Variants in PTPDC1 observed in about 807,000 individuals in gnomAD.
The protein encoded by PTPDC1 is protein tyrosine phosphatase domain containing 1.
A neutral mutation model predicts 75.3 loss-of-function variants in PTPDC1; 53 were observed. That is an observed-to-expected ratio of 0.70 (90% CI 0.56 to 0.88). The LOEUF is 0.88. Ranked by LOEUF, PTPDC1 falls within the 40% of genes least tolerant of loss-of-function variation. PTPDC1 has a pLI of 0.00. For synonymous variants in PTPDC1, 349 were observed against 366.2 expected, an observed-to-expected ratio of 0.95 and a Z score of 0.54; for missense variants, 925 against 998.6, an observed-to-expected ratio of 0.93 and a Z score of 0.99.
At chr9:94,033,006 T>C (rs1045053637) in intron 1 of PTPDC1, among the ~76,000 whole-genome samples, 2 of 152,144 alleles carry the variant, frequency 1.3e-5, no homozygotes. Flanking sequence ...GGATTACTGC[T>C]GTGTGCCACC....
intron 1 of PTPDC1, among the ~76,000 whole-genome samples, chr9:94,055,019 G>C (rs1378423315): frequency 6.6e-6 from 1 of 152,160 alleles, no homozygotes; most frequent in Non-Finnish European, 1.5e-5. Context: ...ACACACAGTG[G>C]AGCTCCATTC....
intron 4 of PTPDC1, among the ~76,000 whole-genome samples, chr9:94,093,642 T>C (rs1230213691): frequency 6.6e-6 from 1 of 150,952 alleles, no homozygotes; most frequent in African/African-American, 2.4e-5. Flanking sequence ...CCTTGCTAGA[T>C]TGGGGAAGTT....
chr9:94,107,247 C>T (rs990249819), intron 8 of PTPDC1, among the ~76,000 whole-genome samples: 4 of 152,236 alleles, frequency 2.6e-5, no homozygotes, highest in African/African-American at 9.6e-5. Context: ...AGCCACCACA[C>T]CCAGCCAGTT....
intron 4 of PTPDC1, among the ~76,000 whole-genome samples, chr9:94,090,810 G>T (rs1436659296): frequency 2.4e-5 from 3 of 125,096 alleles, no homozygotes; most frequent in Non-Finnish European, 5.0e-5. Context: ...CTTGTAAGTT[G>T]GATTCCTAGG....
intron 2 of PTPDC1, 70 bp downstream of exon 2, chr9:94,085,492 C>T: frequency 6.5e-7 from 1 of 1,544,358 alleles, no homozygotes; most frequent in Non-Finnish European, 8.9e-7. Flanking sequence ...AGCCAGGAGC[C>T]CTGAAGTGTG....
chr9:94,040,106 C>T (rs1260283871), intron 1 of PTPDC1, among the ~76,000 whole-genome samples: 1 of 152,152 alleles, frequency 6.6e-6, no homozygotes, highest in African/African-American at 2.4e-5. Context: ...AAGTTACTTT[C>T]CTTACAGGAT....
chr9:94,047,090 C>A (rs1474135701), intron 1 of PTPDC1, among the ~76,000 whole-genome samples: 3 of 152,164 alleles, frequency 2.0e-5, no homozygotes, highest in Non-Finnish European at 2.9e-5. Context: ...TTTTCTGCAT[C>A]TATTGAGATA....
At chr9:94,082,622 T>C (rs1277558652), upstream of PTPDC1, among the ~76,000 whole-genome samples, 1 of 152,252 alleles carries the variant, frequency 6.6e-6, no homozygotes, top group African/African-American at 2.4e-5. Context: ...GCCTCATCAA[T>C]GCAAGGTATA....
chr9:94,091,753 A>G (rs542253204), intron 4 of PTPDC1, among the ~76,000 whole-genome samples: 4 of 152,264 alleles, frequency 2.6e-5, no homozygotes, highest in African/African-American at 9.6e-5. Flanking sequence ...TATTGCCACA[A>G]TTTCAGCTCC....
intron 1 of PTPDC1, among the ~76,000 whole-genome samples, chr9:94,063,862 A>T (rs921674152): frequency 6.6e-6 from 1 of 152,196 alleles, no homozygotes; most frequent in Non-Finnish European, 1.5e-5. Context: ...TAATAAGCTA[A>T]TAAAAGTATA....
At chr9:94,102,290 A>T (rs1363223266) in intron 7 of PTPDC1, among the ~76,000 whole-genome samples, 1 of 151,884 alleles carries the variant, frequency 6.6e-6, no homozygotes, top group Non-Finnish European at 1.5e-5. Flanking sequence ...TAGGTGTCAC[A>T]CATATATACA....
chr9:94,064,718 A>G lies in PTPDC1; in HGVS notation c.-6-16A>G, dbSNP rs192453827. The G allele has an allele frequency of 2.5e-6, 4 of 1,597,350 alleles. No homozygotes were observed. The Admixed American group carries it at 6.8e-5, about 27-fold the overall frequency. The stretch of plus-strand genomic sequence containing the variant: ...TCCCAAGGCAAACTTTCAAAAAATA[A>G]TTTTTTTTCCAACAGACTACCATGG... On this transcript the variant is annotated splice_polypyrimidine_tract_variant and intron_variant, in intron 1 of 9. Transcript: ENST00000375360.
chr9:94,104,342 T>G lies in PTPDC1; in HGVS notation c.2267T>G (p.Val756Gly), dbSNP rs762018933. 13 of 1,613,808 alleles carry G rather than the reference T, an allele frequency of 8.1e-6. No homozygotes were observed. Among genetic ancestry groups the G allele is most frequent in the Non-Finnish European group, 1.1e-5 (13 of 1,179,832 alleles). ...IVNLQTIPVDVEEAFLAHAIK... is the reference protein window; with the variant it reads ...IVNLQTIPVDGEEAFLAHAIK... The stretch of plus-strand genomic sequence containing the variant: ...AACCTGCAGACAATTCCCGTGGATG[T>G]GGAGGAAGCTTTCCTTGCCCATGCC... Residue 756 changes from valine (V) to glycine (G), a missense_variant, in exon 8 of 9, where the codon GTG becomes GGG. Val to Gly is a moderately radical substitution (Grantham distance 109). Transcript: ENST00000620992.
At chr9:94,037,100 C>T (rs915803273) in intron 1 of PTPDC1, among the ~76,000 whole-genome samples, 1 of 152,206 alleles carries the variant, frequency 6.6e-6, no homozygotes, top group Non-Finnish European at 1.5e-5. Context: ...AATATTTTCT[C>T]ATTTAGAATC....
chr9:94,037,960 T>G, intron 1 of PTPDC1: 1 of 271,610 alleles, frequency 3.7e-6, no homozygotes, highest in Non-Finnish European at 7.2e-6. Flanking sequence ...TTATCTCTGT[T>G]TTGAGAGAGT....
chr9:94,060,135 G>T (rs896668298), intron 1 of PTPDC1, among the ~76,000 whole-genome samples: 10 of 152,318 alleles, frequency 6.6e-5, no homozygotes, highest in African/African-American at 2.4e-4. Flanking sequence ...TATCATCTGG[G>T]AAGCTATATA....
chr9:94,042,424 G>T lies in PTPDC1; in HGVS notation c.-7+11297G>T, dbSNP rs186904316. Among the ~76,000 whole-genome samples, 49 of 152,250 alleles carry T rather than the reference G, an allele frequency of 3.2e-4. No homozygotes were observed. In the East Asian group the frequency reaches 9.1e-3, roughly 28 times the overall value. On this transcript the variant is annotated intron_variant, in intron 1 of 9. Coordinates refer to the PTPDC1 transcript ENST00000375360. Reference sequence around the variant, plus strand: ...ACAATAAAGTGAATATCACAATCAAGCAAGTCATACAAATGTGGTTTCCCA... The same window carrying T: ...ACAATAAAGTGAATATCACAATCAATCAAGTCATACAAATGTGGTTTCCCA...
intron 1 of PTPDC1, among the ~76,000 whole-genome samples, chr9:94,049,794 T>C (rs1264538319): frequency 6.6e-6 from 1 of 152,230 alleles, no homozygotes; most frequent in Non-Finnish European, 1.5e-5. Context: ...TCCTGGATAA[T>C]ATCCTGCAGA....
intron 1 of PTPDC1, among the ~76,000 whole-genome samples, chr9:94,049,680 C>T (rs1346925631): frequency 3.9e-5 from 6 of 152,144 alleles, no homozygotes; most frequent in African/African-American, 1.2e-4. Context: ...GTGAATCTGA[C>T]AATTATGTGT....
Sources: gnomAD v4.1 joint callset for allele counts (sites outside exome capture counted in the v4.1 genomes callset) on GRCh38, gnomAD v4.1.1 for gene constraint, MANE v1.5 for transcripts, NCBI Gene and HGNC (gene_info 2026-07-23, HGNC 2026-07-21) for gene names.